NAT16: variants seen among roughly 807,000 people sequenced by gnomAD.
NAT16 encodes the protein probable N-acetyltransferase 16.
In NAT16, 16 loss-of-function variants were observed where a neutral mutation model predicts 15.9. The observed-to-expected ratio is 1.01, with a 90% CI of 0.68 to 1.53. The LOEUF is 1.53. Among genes scored for constraint, NAT16 ranks in the 40% most tolerant of loss-of-function variants. The pLI, the probability that NAT16 is intolerant of heterozygous loss-of-function variation, is 0.00. For missense variants in NAT16, 572 were observed against 508.4 expected, an observed-to-expected ratio of 1.13 and a Z score of -1.20; for synonymous variants, 260 against 241.9, an observed-to-expected ratio of 1.07 and a Z score of -0.69.
At chr7:101,175,778 G>C (rs901478385) in intron 1 of NAT16, among the ~76,000 whole-genome samples, 2 of 152,012 alleles carry the variant, frequency 1.3e-5, no homozygotes, top group African/African-American at 4.8e-5. Flanking sequence ...AAATTAGCCA[G>C]GCATGGTGGT....
In NAT16 at chr7:101,171,642, A is replaced by C; in HGVS notation, c.*437T>G. 6.3e-6 allele frequency: 1 copy of C among 159,156 alleles called. No individual in the cohort carries two copies. Among genetic ancestry groups the C allele is most frequent in the Non-Finnish European group, 1.4e-5 (1 of 73,020 alleles). The allele number at this position is 159,156 out of a possible 1,614,324, so 9.9% of individuals were successfully genotyped here. On this transcript the variant is annotated 3_prime_UTR_variant, in exon 4 of 4. Coordinates refer to ENST00000300303, the MANE Select transcript of NAT16 (RefSeq NM_198571.3). The stretch of plus-strand genomic sequence containing the variant: ...GCGGATTGGGCGGCTGCGCTCGGGA[A>C]CGAGGCTGGGCATCCCACACACTCC...
intron 1 of NAT16, among the ~76,000 whole-genome samples, chr7:101,178,723 A>AAT (rs1395561219): frequency 2.0e-5 from 3 of 148,060 alleles, no homozygotes; most frequent in African/African-American, 7.6e-5. Context: ...AAAAAAAAAA[A>AAT]AAAAAAAAAA....
At position 101,172,330 on chromosome 7, in the gene NAT16, G is replaced by A; in HGVS notation, c.859C>T (p.Pro287Ser). 6.2e-7 allele frequency: 1 copy of A among 1,603,594 alleles called. No individual in the cohort carries two copies. The highest frequency in any genetic ancestry group is 8.5e-7 in the Non-Finnish European group (1 of 1,176,286). ...LTLCTRPFPI[P>S]HGGDGTWRYL... is the part of the protein sequence containing the mutation. ...CGCCAAGTGCCGTCCCCTCCGTGCGGGATGGGGAAGGGGCGCGTGCACAGC... is the reference window on the plus strand; with the variant it reads ...CGCCAAGTGCCGTCCCCTCCGTGCGAGATGGGGAAGGGGCGCGTGCACAGC... Residue 287 changes from proline to serine, a missense_variant, in exon 4 of 4, where the codon CCG (proline) becomes TCG (serine). Physicochemically the swap from Pro to Ser is moderately conservative, Grantham distance 74. Coordinates refer to ENST00000300303, the MANE Select transcript of NAT16 (RefSeq NM_198571.3). This position sits in a 1 kb window ranked among gnomAD's most constrained non-coding sequence, Gnocchi z 4.2.
At chr7:101,174,104 C>T in intron 2 of NAT16, 2 of 314,236 alleles carry the variant, frequency 6.4e-6, no homozygotes, top group Non-Finnish European at 1.2e-5. Flanking sequence ...TTCCTTGGCT[C>T]CTCCCCCGGG....
chr7:101,174,402 G>C, intron 2 of NAT16, 94 bp downstream of exon 2: 9 of 1,429,194 alleles, frequency 6.3e-6, no homozygotes, highest in Non-Finnish European at 8.3e-6. Context: ...TCCAGAGGAA[G>C]GCTGGGGAGA....
intron 1 of NAT16, 23 bp from the exon 2 acceptor site, chr7:101,174,834 G>C (rs201805257): frequency 6.6e-7 from 1 of 1,523,126 alleles, no homozygotes; most frequent in African/African-American, 1.4e-5. Flanking sequence ...AGAGAATTCA[G>C]CACCTGGATC....
At chr7:101,177,302 G>C (rs182920011) in intron 1 of NAT16, among the ~76,000 whole-genome samples, 69 of 152,158 alleles carry the variant, frequency 4.5e-4, no homozygotes, top group African/African-American at 1.6e-3. Context: ...TCCAGGCCAG[G>C]GGGGAGACCT....
rs1311860928 is a variant in NAT16 at position 101,173,656 on chromosome 7, G to A, written c.313-136C>T. On this transcript the variant is annotated intron_variant, in intron 2 of 3. Coordinates refer to ENST00000300303, the MANE Select transcript of NAT16 (RefSeq NM_198571.3). ...CGGGCACCAGGCCAGGCCTGGGGTA[G>A]CACGGCACTTGGGCCTCAGATTACA... The A allele has an allele frequency of 5.9e-6, 4 of 672,292 alleles. No individual in the cohort carries two copies. In the Middle Eastern group the frequency reaches 1.3e-3, roughly 213 times the overall value. 41.6% of individuals were successfully genotyped at this position (672,292 alleles called of 1,614,324 possible).
rs755262472 is a variant in NAT16, at chr7:101,172,523, G to C, written c.666C>G (p.Asp222Glu). 6.3e-7 allele frequency: 1 copy of C among 1,577,208 alleles called. No individual in the cohort carries two copies. ...AGGGTGACAGCAGGAGGCGTGCCACGTCGCCGCCTGCCTCGGACACGGCCT... is the reference window on the plus strand; with the variant it reads ...AGGGTGACAGCAGGAGGCGTGCCACCTCGCCGCCTGCCTCGGACACGGCCT... Reference protein sequence around the residue: ...PTEAVSEAGGDVARLLLSPSV... With the variant: ...PTEAVSEAGGEVARLLLSPSV... The change falls in exon 4 of 4, where the codon GAC (aspartate) becomes GAG (glutamate). Residue 222 changes from aspartate to glutamate, a missense_variant. Asp to Glu is a conservative substitution (Grantham distance 45, BLOSUM62 2). Coordinates refer to ENST00000300303, the MANE Select transcript of NAT16 (RefSeq NM_198571.3). This position sits in a 1 kb window ranked among gnomAD's most constrained non-coding sequence, Gnocchi z 4.2.
At position 101,171,985 on chromosome 7, in the gene NAT16, G is replaced by C; in HGVS notation, c.*94C>G. ...GCAGGAGTCAGAGGGGACTTCCCAGGAGACGCAGCGTCGGAAATGGCAGGA... is the reference window on the plus strand; with the variant it reads ...GCAGGAGTCAGAGGGGACTTCCCAGCAGACGCAGCGTCGGAAATGGCAGGA... On this transcript the variant is annotated 3_prime_UTR_variant, in exon 4 of 4. Coordinates refer to ENST00000300303, the MANE Select transcript of NAT16 (RefSeq NM_198571.3). The C allele has an allele frequency of 1.1e-6, 1 of 876,926 alleles. No individual in the cohort carries two copies. The highest frequency in any genetic ancestry group is 1.8e-6 in the Non-Finnish European group (1 of 557,386). The allele number at this position is 876,926 out of a possible 1,614,324, so 54.3% of individuals were successfully genotyped here. A position where few individuals can be genotyped will look rare whatever the true frequency, so the allele number is the denominator to read the frequency against.
chr7:101,179,876 G>A (rs892603434), intron 1 of NAT16, among the ~76,000 whole-genome samples, 166 bp downstream of exon 1: 13 of 152,102 alleles, frequency 8.5e-5, no homozygotes, highest in Admixed American at 6.5e-5. Flanking sequence ...CACCTGAAGC[G>A]CAGCCTCTGA....
chr7:101,174,878 A>G (rs1797432719), intron 1 of NAT16, 67 bp from the exon 2 acceptor site: 1 of 1,492,764 alleles, frequency 6.7e-7, no homozygotes, highest in African/African-American at 1.4e-5. Flanking sequence ...GCCCCTGCAC[A>G]CAAACGGTCC....
intron 1 of NAT16, among the ~76,000 whole-genome samples, chr7:101,178,889 C>CAAAAAA (rs71126381): frequency 0.074 from 4,584 of 61,770 alleles, 534 homozygotes; most frequent in African/African-American, 0.12. Flanking sequence ...GAAACGCTGT[C>CAAAAAA]AAAAAAAAAA....
At chr7:101,174,204 T>G (rs562763257) in intron 2 of NAT16, 34 of 501,578 alleles carry the variant, frequency 6.8e-5, no homozygotes, top group African/African-American at 5.5e-4. Context: ...CTCTCTCTCC[T>G]GCTCCCCACC....
At chr7:101,174,193 CCTCT>C (rs377431179) in intron 2 of NAT16, 4 of 471,980 alleles carry the variant, frequency 8.5e-6, no homozygotes, top group East Asian at 3.3e-5. Flanking sequence ...CCTAGCCTAC[CCTCT>C]CTCTCCTGCT....
chr7:101,178,750 G>C (rs1245359376), intron 1 of NAT16, among the ~76,000 whole-genome samples: 3 of 148,992 alleles, frequency 2.0e-5, no homozygotes, highest in Non-Finnish European at 4.5e-5. Context: ...AAGTAGCCGG[G>C]CGTGCTGGCG....
chr7:101,176,430 G>T (rs184112732), intron 1 of NAT16, among the ~76,000 whole-genome samples: 2 of 151,512 alleles, frequency 1.3e-5, no homozygotes, highest in Non-Finnish European at 2.9e-5. Context: ...GGGAGGTAGA[G>T]GTTGTAGTGA....
At position 101,174,024 on chromosome 7, in the gene NAT16, C is replaced by T. The variant is rs73408403; in HGVS notation, c.312+472G>A. 4.6e-3 allele frequency: 1,023 copies of T among 223,526 alleles called. 14 individuals carry two copies. The highest frequency in any genetic ancestry group is 0.022 in the African/African-American group (972 of 43,974). The allele number at this position is 223,526 out of a possible 1,614,324, so 13.8% of individuals were successfully genotyped here. A position where few individuals can be genotyped will look rare whatever the true frequency, so the allele number is the denominator to read the frequency against. On this transcript the variant is annotated intron_variant, in intron 2 of 3. Coordinates refer to ENST00000300303, the MANE Select transcript of NAT16 (RefSeq NM_198571.3). Reference sequence around the variant, plus strand: ...GGGTTACAGGAGTTAGCCGACGCGCCCGGCCCCTTCCACCTCTTGAGATGC... The same window carrying T: ...GGGTTACAGGAGTTAGCCGACGCGCTCGGCCCCTTCCACCTCTTGAGATGC...
Position 101,174,571 on chromosome 7 carries a change from G to A in NAT16, c.237C>T (p.Tyr79=). 1.2e-6 allele frequency: 2 copies of A among 1,613,878 alleles called. No individual in the cohort carries two copies. Among genetic ancestry groups the A allele is most frequent in the African/African-American group, 1.3e-5 (1 of 75,056 alleles). Residue 79 remains tyrosine, a synonymous_variant, in exon 2 of 4, where the codon TAC becomes TAT. Transcript: ENST00000300303. ...ISGGIYGGLD[Y]LPSRYHSWLR... ...GCCAGCTGTGGTAGCGGCTAGGAAG[G>A]TAGTCCAGGCCGCCGTAGATGCCCC...
Sources: gnomAD v4.1 joint callset for allele counts (sites outside exome capture counted in the v4.1 genomes callset) on GRCh38, gnomAD v4.1.1 for gene constraint, Gnocchi (gnomAD v3.1) non-coding constraint, MANE v1.5 for transcripts, NCBI Gene and HGNC (gene_info 2026-07-23, HGNC 2026-07-21) for gene names.